Variants in SUPT3H observed in about 807,000 individuals in gnomAD.
SUPT3H encodes SPT3 homolog, SAGA and STAGA complex component.
A neutral mutation model predicts 44.3 loss-of-function variants in SUPT3H; 44 were observed. The observed-to-expected ratio is 0.99, with a 90% CI of 0.78 to 1.28. The LOEUF (loss-of-function observed/expected upper bound fraction) is 1.28, where lower values mean the gene tolerates loss of function less well. SUPT3H is among the 50% of genes most tolerant of loss of function. SUPT3H has a pLI of 0.00. For missense variants in SUPT3H, 380 were observed against 387.1 expected, an observed-to-expected ratio of 0.98 and a Z score of 0.15; for synonymous variants, 124 against 125.6, an observed-to-expected ratio of 0.99 and a Z score of 0.09.
At chr6:45,344,545 CA>C (rs1490836101) in intron 2 of SUPT3H, among the ~76,000 whole-genome samples, 3 of 151,870 alleles carry the variant, frequency 2.0e-5, no homozygotes, top group Non-Finnish European at 4.4e-5. Context: ...GTAACATTAT[CA>C]ATTAAGTACT....
At chr6:44,997,305 T>C (rs1335580543) in intron 6 of SUPT3H, among the ~76,000 whole-genome samples, 1 of 151,802 alleles carries the variant, frequency 6.6e-6, no homozygotes, top group African/African-American at 2.4e-5. Context: ...AGGAACATAG[T>C]GCTTTTTCAT....
intron 3 of SUPT3H, among the ~76,000 whole-genome samples, chr6:45,054,584 T>C (rs960250859): frequency 6.6e-6 from 1 of 152,178 alleles, no homozygotes; most frequent in Non-Finnish European, 1.5e-5. Context: ...AATACAAATA[T>C]CTCAGCCATG....
At chr6:44,948,685 A>T (rs910831935) in intron 9 of SUPT3H, among the ~76,000 whole-genome samples, 3 of 152,208 alleles carry the variant, frequency 2.0e-5, no homozygotes, top group African/African-American at 4.8e-5. Flanking sequence ...TCAAAACCAC[A>T]ATGAGATACC....
chr6:44,948,792 G>GGGACT (rs1773777708), intron 9 of SUPT3H, among the ~76,000 whole-genome samples: 1 of 152,078 alleles, frequency 6.6e-6, no homozygotes, highest in African/African-American at 2.4e-5. Flanking sequence ...CACTGCTGGT[G>GGGACT]GGACTGTAAA....
intron 3 of SUPT3H, among the ~76,000 whole-genome samples, chr6:45,068,151 G>A (rs1234318380): frequency 4.0e-4 from 60 of 149,862 alleles, no homozygotes; most frequent in East Asian, 7.9e-4. Context: ...TGATGAGTTC[G>A]TGTCCTTTGT....
intron 2 of SUPT3H, among the ~76,000 whole-genome samples, chr6:45,233,786 C>T (rs565095786): frequency 3.3e-5 from 5 of 152,282 alleles, no homozygotes; most frequent in Admixed American, 2.6e-4. Flanking sequence ...AAACTGGGAT[C>T]TCTAAACCCA....
intron 9 of SUPT3H, among the ~76,000 whole-genome samples, chr6:44,950,842 TTTTA>T (rs1316264349): frequency 2.5e-5 from 3 of 119,148 alleles, no homozygotes; most frequent in African/African-American, 3.6e-5. Context: ...TATTATTATT[TTTTA>T]TTTATTTTTT....
At chr6:45,014,113 G>A (rs1386818786) in intron 5 of SUPT3H, among the ~76,000 whole-genome samples, 2 of 151,670 alleles carry the variant, frequency 1.3e-5, no homozygotes, top group Non-Finnish European at 2.9e-5. Context: ...GATTAGATGT[G>A]TTCTACCTGA....
At chr6:45,341,202 G>A (rs988878445) in intron 2 of SUPT3H, among the ~76,000 whole-genome samples, 4 of 152,050 alleles carry the variant, frequency 2.6e-5, no homozygotes, top group African/African-American at 7.2e-5. Context: ...AAAGTGCTCC[G>A]CTTTTTTCTC....
rs527491791 is a variant in SUPT3H at position 44,998,412 on chromosome 6, C to A, written c.504+5241G>T. ...ATAAATAAATTGGTTACTAAATTAT[C>A]GAGCATCTATGGCTATATCATTATT... On this transcript the variant is annotated intron_variant, in intron 6 of 10. Coordinates refer to ENST00000371459, the MANE Select transcript of SUPT3H (RefSeq NM_003599.4). Among the ~76,000 whole-genome samples, 3 of 151,874 alleles carry A rather than the reference C, an allele frequency of 2.0e-5. No individual in the cohort carries two copies. The South Asian group carries it at 6.2e-4, about 31-fold the overall frequency.
intron 6 of SUPT3H, among the ~76,000 whole-genome samples, chr6:44,986,458 A>G (rs1369976605): frequency 1.3e-5 from 2 of 152,166 alleles, no homozygotes; most frequent in Non-Finnish European, 2.9e-5. Context: ...TACTACTACT[A>G]ATACTATTGA....
intron 2 of SUPT3H, among the ~76,000 whole-genome samples, chr6:45,190,601 G>A (rs1038916247): frequency 3.3e-5 from 5 of 152,148 alleles, no homozygotes; most frequent in Middle Eastern, 3.4e-3. Context: ...TTTTGAAAAC[G>A]TAGATAGTTT....
At chr6:45,175,609 C>A (rs1811628049) in intron 2 of SUPT3H, among the ~76,000 whole-genome samples, 1 of 152,120 alleles carries the variant, frequency 6.6e-6, no homozygotes, top group Non-Finnish European at 1.5e-5. Context: ...TTATCTCTAG[C>A]AGCAGTACTC....
chr6:45,374,127 G>A (rs1051769683), intron 1 of SUPT3H, among the ~76,000 whole-genome samples: 1 of 152,148 alleles, frequency 6.6e-6, no homozygotes, highest in African/African-American at 2.4e-5. Flanking sequence ...TACTGATAAG[G>A]AAATTGAGGC....
chr6:44,846,909 C>T (rs1306614810), intron 10 of SUPT3H, among the ~76,000 whole-genome samples: 4 of 152,146 alleles, frequency 2.6e-5, no homozygotes, highest in Non-Finnish European at 2.9e-5. Flanking sequence ...GGATTACAGG[C>T]GTGAGGCACT....
chr6:44,973,636 C>G (rs1014511337), intron 6 of SUPT3H, among the ~76,000 whole-genome samples: 17 of 152,136 alleles, frequency 1.1e-4, no homozygotes. Flanking sequence ...CACACCACTA[C>G]CTGGTACCAA....
intron 2 of SUPT3H, among the ~76,000 whole-genome samples, chr6:45,235,672 G>A (rs1243057988): frequency 6.6e-6 from 1 of 152,126 alleles, no homozygotes. Flanking sequence ...CTGGACAAGA[G>A]AATTAAGGAA....
intron 3 of SUPT3H, among the ~76,000 whole-genome samples, chr6:45,035,903 G>C (rs1379930931): frequency 4.9e-5 from 7 of 141,460 alleles, no homozygotes; most frequent in African/African-American, 1.8e-4. Flanking sequence ...GGAAGAGAAA[G>C]AAAAAAAAAA....
chr6:45,191,225 T>C (rs538189531), intron 2 of SUPT3H, among the ~76,000 whole-genome samples: 1 of 152,162 alleles, frequency 6.6e-6, no homozygotes, highest in South Asian at 2.1e-4. Context: ...TGAAAAATTA[T>C]GCAACAATAA....
Sources: allele counts gnomAD v4.1 joint callset (sites outside exome capture counted in the v4.1 genomes callset), GRCh38; gene constraint gnomAD v4.1.1; transcripts MANE v1.5; gene names NCBI Gene and HGNC (gene_info 2026-07-23, HGNC 2026-07-21).